The following MAGI1 variants were observed in gnomAD, a reference collection of about 807,000 sequenced individuals.
The protein encoded by MAGI1 is membrane-associated guanylate kinase, WW and PDZ domain-containing protein 1.
Under a neutral mutation model 139.9 loss-of-function variants are expected in MAGI1, and 58 were observed. That is an observed-to-expected ratio of 0.41 (90% confidence interval 0.34 to 0.52). The LOEUF (loss-of-function observed/expected upper bound fraction) is 0.52, where lower values mean the gene tolerates loss of function less well. MAGI1 is among the 20% of genes least tolerant of loss of function. The pLI, the probability that MAGI1 is intolerant of heterozygous loss-of-function variation, is 0.12. For synonymous variants in MAGI1, 812 were observed against 737.9 expected (o/e 1.10, Z -1.63); for missense variants, 1,874 against 1,901.6 (o/e 0.99, Z 0.27).
At chr3:66,006,361 C>T (rs930295010) in intron 1 of MAGI1, among the ~76,000 whole-genome samples, 6 of 152,118 alleles carry the variant, frequency 3.9e-5, no homozygotes, top group African/African-American at 1.2e-4. Context: ...CATTTTATTT[C>T]AAATGTTAAA....
intron 2 of MAGI1, among the ~76,000 whole-genome samples, chr3:65,600,340 C>G (rs2082419988): frequency 6.6e-6 from 1 of 152,142 alleles, no homozygotes. Flanking sequence ...AAATAGCCGT[C>G]ATTTTGGTTA....
intron 1 of MAGI1, among the ~76,000 whole-genome samples, chr3:65,995,956 C>T (rs1226999728): frequency 6.6e-6 from 1 of 152,102 alleles, no homozygotes; most frequent in African/African-American, 2.4e-5. Flanking sequence ...TATGATCGTG[C>T]CACTGTACTC....
intron 2 of MAGI1, among the ~76,000 whole-genome samples, chr3:65,594,151 C>G (rs992992974): frequency 4.6e-5 from 7 of 152,158 alleles, no homozygotes; most frequent in Admixed American, 4.6e-4. Context: ...AGCTCAAGGA[C>G]TGTATTTGAA....
chr3:65,697,329 A>T, intron 1 of MAGI1, among the ~76,000 whole-genome samples: 1 of 151,192 alleles, frequency 6.6e-6, no homozygotes. Context: ...TTCTGAAACT[A>T]TTCCAATCAA....
intron 2 of MAGI1, among the ~76,000 whole-genome samples, chr3:65,550,559 T>C (rs2079774222): frequency 6.6e-6 from 1 of 152,186 alleles, no homozygotes; most frequent in South Asian, 2.1e-4. Context: ...TATACAACTT[T>C]AGTTTTAGTT....
intron 7 of MAGI1, among the ~76,000 whole-genome samples, chr3:65,445,441 T>C (rs1948618534): frequency 6.6e-6 from 1 of 152,232 alleles, no homozygotes; most frequent in African/African-American, 2.4e-5. Flanking sequence ...GAAAATCTCA[T>C]GCTGCACTAT....
chr3:65,616,024 G>C (rs1368884046), intron 2 of MAGI1, among the ~76,000 whole-genome samples: 2 of 152,194 alleles, frequency 1.3e-5, no homozygotes, highest in Non-Finnish European at 2.9e-5. Context: ...TGCTAGCCAT[G>C]AAAGTCCTCT....
intron 1 of MAGI1, among the ~76,000 whole-genome samples, chr3:66,024,257 C>T (rs1057101352): frequency 2.7e-5 from 4 of 148,002 alleles, no homozygotes; most frequent in Non-Finnish European, 5.9e-5. Context: ...GTTTGGTTCA[C>T]CCTTTTTTTA....
intron 13 of MAGI1, among the ~76,000 whole-genome samples, chr3:65,399,439 C>T (rs1944674361): frequency 6.6e-6 from 1 of 152,180 alleles, no homozygotes; most frequent in Non-Finnish European, 1.5e-5. Flanking sequence ...CAGCCCTTGG[C>T]CGACAGCTCC....
At chr3:65,841,238 T>G (rs568680256) in intron 1 of MAGI1, among the ~76,000 whole-genome samples, 1 of 152,190 alleles carries the variant, frequency 6.6e-6, no homozygotes, top group African/African-American at 2.4e-5. Context: ...AGCTTTTTGT[T>G]TCACTGATTT....
At position 65,466,004 on chromosome 3, in the gene MAGI1, T is replaced by C. The variant is rs575978095; in HGVS notation, c.959+4279A>G. On this transcript the variant is annotated intron_variant, in intron 5 of 22. Transcript: ENST00000402939. ...CTGATTCTCTCCTCTCCCCACTCTCTTCTGCTGTTGAATCCATCTACTAAG... is the reference window on the plus strand; with the variant it reads ...CTGATTCTCTCCTCTCCCCACTCTCCTCTGCTGTTGAATCCATCTACTAAG... Among the ~76,000 whole-genome samples, 31 of 152,332 alleles carry C rather than the reference T, an allele frequency of 2.0e-4. No individual in the cohort carries two copies. In the Middle Eastern group the frequency reaches 0.01, roughly 50 times the overall value.
At chr3:65,817,477 A>G (rs2041675943) in intron 1 of MAGI1, among the ~76,000 whole-genome samples, 1 of 152,194 alleles carries the variant, frequency 6.6e-6, no homozygotes, top group Non-Finnish European at 1.5e-5. Flanking sequence ...GCATGGTACC[A>G]ATCTACATGA....
intron 2 of MAGI1, among the ~76,000 whole-genome samples, chr3:65,574,997 T>C (rs2081118863): frequency 6.6e-6 from 1 of 152,070 alleles, no homozygotes; most frequent in African/African-American, 2.4e-5. Flanking sequence ...TTTGTGACTT[T>C]AGGTTAAGTA....
intron 1 of MAGI1, among the ~76,000 whole-genome samples, chr3:65,905,422 A>AT (rs36093494): frequency 0.34 from 50,389 of 149,074 alleles, 9,246 homozygotes; most frequent in African/African-American, 0.49. Context: ...TCTATGAAAT[A>AT]TTTTTTTTTT....
At chr3:65,961,762 G>A (rs2064436940) in intron 1 of MAGI1, among the ~76,000 whole-genome samples, 1 of 152,104 alleles carries the variant, frequency 6.6e-6, no homozygotes, top group African/African-American at 2.4e-5. Context: ...CATTTTACAC[G>A]TTTCAAGAAA....
Position 65,793,302 on chromosome 3 carries a change from C to G in MAGI1, c.314-171214G>C, listed in dbSNP as rs527859927. Among the ~76,000 whole-genome samples the G allele has an allele frequency of 7.2e-5, 11 of 152,128 alleles. No individual in the cohort carries two copies. In the South Asian group the frequency reaches 2.3e-3, roughly 32 times the overall value. ...TGTGACAACTTTTCATAAGATTATT[C>G]AGGCCCTGGCAAAAGATCTACATGT... On this transcript the variant is annotated intron_variant, in intron 1 of 22. Coordinates refer to ENST00000402939, the MANE Select transcript of MAGI1 (RefSeq NM_001033057.2).
At chr3:65,781,040 A>C (rs2038888480) in intron 1 of MAGI1, among the ~76,000 whole-genome samples, 1 of 152,166 alleles carries the variant, frequency 6.6e-6, no homozygotes, top group Non-Finnish European at 1.5e-5. Flanking sequence ...TACTAAAAAT[A>C]TAAAACTTAG....
intron 1 of MAGI1, among the ~76,000 whole-genome samples, chr3:65,701,707 T>C (rs2089623737): frequency 6.6e-6 from 1 of 152,220 alleles, no homozygotes; most frequent in Admixed American, 6.5e-5. Context: ...GAACTTCATT[T>C]GCCAAGAAAT....
chr3:65,615,565 T>A (rs2083327634), intron 2 of MAGI1, among the ~76,000 whole-genome samples: 1 of 152,208 alleles, frequency 6.6e-6, no homozygotes. Context: ...TGGGGGATGC[T>A]GCTGGCATTT....
Sources: allele counts gnomAD v4.1 joint callset (sites outside exome capture counted in the v4.1 genomes callset), GRCh38; gene constraint gnomAD v4.1.1; transcripts MANE v1.5; gene names NCBI Gene and HGNC (gene_info 2026-07-23, HGNC 2026-07-21).